Variants in TRIM52 observed in about 807,000 individuals in gnomAD.
TRIM52 encodes E3 ubiquitin-protein ligase TRIM52.
In TRIM52, 24 loss-of-function variants were observed where a neutral mutation model predicts 27.0. That is an observed-to-expected ratio of 0.89 (90% CI 0.64 to 1.25). The LOEUF is 1.25. TRIM52 is among the 50% of genes most tolerant of loss of function. The pLI, the probability that TRIM52 is intolerant of heterozygous loss-of-function variation, is 0.00. For missense variants in TRIM52, 351 were observed against 354.7 expected (o/e 0.99, Z 0.08); for synonymous variants, 125 against 126.5 (o/e 0.99, Z 0.08).
Position 181,260,882 on chromosome 5 carries a change from T to C in TRIM52, c.-69A>G. The C allele has an allele frequency of 6.6e-7, 1 of 1,510,674 alleles. No homozygotes were observed. Among genetic ancestry groups the C allele is most frequent in the African/African-American group, 1.4e-5 (1 of 71,962 alleles). 93.6% of individuals were successfully genotyped at this position (1,510,674 alleles called of 1,614,324 possible). A position where few individuals can be genotyped will look rare whatever the true frequency, so the allele number is the denominator to read the frequency against. On this transcript the variant is annotated 5_prime_UTR_variant, in exon 1 of 2. Transcript: ENST00000688015. The surrounding 1 kb of genome is among the most constrained non-coding windows in gnomAD (Gnocchi z 4.4). Reference sequence around the variant, plus strand: ...AGGAGCGGGGACGCGCCTGCAGGCCTGCCTCCAAACTACTCTGGTGACCCG... The same window carrying C: ...AGGAGCGGGGACGCGCCTGCAGGCCCGCCTCCAAACTACTCTGGTGACCCG...
At chr5:181,257,385 T>A (rs1759827214) in intron 1 of TRIM52, 1 of 1,587,734 alleles carries the variant, frequency 6.3e-7, no homozygotes, top group Admixed American at 1.8e-5. Flanking sequence ...AATGAACACC[T>A]CCTGTGGCTA....
chr5:181,251,536 G>T (rs940081979), downstream of TRIM52, among the ~76,000 whole-genome samples: 2 of 152,128 alleles, frequency 1.3e-5, no homozygotes, highest in Admixed American at 6.5e-5. Context: ...CCTTCCTTTG[G>T]GGGAGGGAGG....
downstream of TRIM52, among the ~76,000 whole-genome samples, chr5:181,250,985 G>A (rs1275614545): frequency 1.3e-5 from 2 of 151,978 alleles, no homozygotes; most frequent in Non-Finnish European, 2.9e-5. Flanking sequence ...TTGGGATCTC[G>A]GTCCCTTAAG....
chr5:181,257,762 CG>C (rs1446632937), intron 1 of TRIM52: 7 of 202,666 alleles, frequency 3.5e-5, no homozygotes, highest in Non-Finnish European at 5.0e-5. Context: ...GAGGCCGAGG[CG>C]GGGGGATCAG....
rs1451869413 is a variant in TRIM52 at position 181,260,888 on chromosome 5, C to T, written c.-75G>A. ...GGGGACGCGCCTGCAGGCCTGCCTCCAAACTACTCTGGTGACCCGAGGCTG... is the reference window on the plus strand; with the variant it reads ...GGGGACGCGCCTGCAGGCCTGCCTCTAAACTACTCTGGTGACCCGAGGCTG... On this transcript the variant is annotated 5_prime_UTR_variant, in exon 1 of 2. Coordinates refer to ENST00000688015, the MANE Select transcript of TRIM52 (RefSeq NM_001346048.2). This position sits in a 1 kb window ranked among gnomAD's most constrained non-coding sequence, Gnocchi z 4.4. The T allele has an allele frequency of 1.3e-6, 2 of 1,501,760 alleles. No homozygotes were observed. Among genetic ancestry groups the T allele is most frequent in the East Asian group, 4.7e-5 (2 of 42,476 alleles). The allele number at this position is 1,501,760 out of a possible 1,614,324, so 93.0% of individuals were successfully genotyped here. A position where few individuals can be genotyped will look rare whatever the true frequency, so the allele number is the denominator to read the frequency against.
downstream of TRIM52, among the ~76,000 whole-genome samples, chr5:181,254,183 G>A (rs1561685790): frequency 1.5e-5 from 2 of 137,374 alleles, 1 homozygote; most frequent in African/African-American, 6.3e-5. Flanking sequence ...CCAGCTACTC[G>A]GCAGGCTGAG....
At chr5:181,257,587 G>T in intron 1 of TRIM52, 1 of 1,020,732 alleles carries the variant, frequency 9.8e-7, no homozygotes, top group Non-Finnish European at 1.4e-6. Context: ...TACAAAAATA[G>T]TTCCTTGTAC....
Position 181,257,151 on chromosome 5 carries a change from C to T in TRIM52, c.814-292G>A, listed in dbSNP as rs76182293. On this transcript the variant is annotated intron_variant, in intron 1 of 1. Coordinates refer to ENST00000688015, the MANE Select transcript of TRIM52 (RefSeq NM_001346048.2). ...CATTTAATGGTGCCCTTGGTCAAAT[C>T]TAAATGATCTTACTTTCATAATTCT... The T allele has an allele frequency of 6.0e-4, 674 of 1,131,624 alleles. 4 individuals are homozygous for T. The African/African-American group carries it at 9.9e-3, about 17-fold the overall frequency. The allele number at this position is 1,131,624 out of a possible 1,614,324, so 70.1% of individuals were successfully genotyped here. A position where few individuals can be genotyped will look rare whatever the true frequency, so the allele number is the denominator to read the frequency against.
In TRIM52 at chr5:181,260,949, G is replaced by A; in HGVS notation, c.-136C>T. 7.4e-7 allele frequency: 1 copy of A among 1,348,468 alleles called. No homozygotes were observed. The highest frequency in any genetic ancestry group is 9.8e-7 in the Non-Finnish European group (1 of 1,019,832). The allele number at this position is 1,348,468 out of a possible 1,614,324, so 83.5% of individuals were successfully genotyped here. On this transcript the variant is annotated 5_prime_UTR_variant, in exon 1 of 2. Coordinates refer to ENST00000688015, the MANE Select transcript of TRIM52 (RefSeq NM_001346048.2). The surrounding 1 kb of genome is among the most constrained non-coding windows in gnomAD (Gnocchi z 4.4). Reference sequence around the variant, plus strand: ...TGCTCTTCTTCCTCGGGGCCGCAGGGGAGCTTTGACCCCCTCTCTCAGGGT... The same window carrying A: ...TGCTCTTCTTCCTCGGGGCCGCAGGAGAGCTTTGACCCCCTCTCTCAGGGT...
downstream of TRIM52, among the ~76,000 whole-genome samples, chr5:181,249,614 C>T (rs180918100): frequency 1.3e-3 from 195 of 151,570 alleles, no homozygotes; most frequent in African/African-American, 4.2e-3. Context: ...AGTTGGAGGC[C>T]GCAGTGAGCT....
At chr5:181,252,996 G>T (rs1389031700), downstream of TRIM52, among the ~76,000 whole-genome samples, 1 of 151,772 alleles carries the variant, frequency 6.6e-6, no homozygotes, top group East Asian at 1.9e-4. Context: ...GCAGGGAGTA[G>T]TGGGTGTCAT....
intron 1 of TRIM52, chr5:181,257,215 A>T (rs1434700133): frequency 7.9e-7 from 1 of 1,261,976 alleles, no homozygotes; most frequent in African/African-American, 1.5e-5. Flanking sequence ...ACTCTAACTC[A>T]TGGGATGGAC....
chr5:181,253,324 C>T (rs1183834191), downstream of TRIM52, among the ~76,000 whole-genome samples: 1 of 142,238 alleles, frequency 7.0e-6, no homozygotes, highest in African/African-American at 2.9e-5. Flanking sequence ...CATGAGCCAC[C>T]GTGCCTGGCC....
chr5:181,256,631 G>T lies in TRIM52; in HGVS notation c.*178C>A. 1 of 216,728 alleles carries T rather than the reference G, an allele frequency of 4.6e-6. No individual in the cohort carries two copies. The highest frequency in any genetic ancestry group is 7.9e-6 in the Non-Finnish European group (1 of 127,202). 13.4% of individuals were successfully genotyped at this position (216,728 alleles called of 1,614,324 possible). ...GCACTCAGAATGCAAGGTTTCACAA[G>T]TGTCTCCATTTTTTTCTCCTTTGCA... On this transcript the variant is annotated 3_prime_UTR_variant, in exon 2 of 2. Coordinates refer to ENST00000688015, the MANE Select transcript of TRIM52 (RefSeq NM_001346048.2).
chr5:181,253,008 T>G (rs892894970), downstream of TRIM52, among the ~76,000 whole-genome samples: 6 of 151,444 alleles, frequency 4.0e-5, no homozygotes, highest in African/African-American at 1.2e-4. Flanking sequence ...GGGTGTCATA[T>G]CCACTAATCC....
intron 1 of TRIM52, chr5:181,257,546 G>A (rs1759835170): frequency 6.9e-7 from 1 of 1,444,024 alleles, no homozygotes; most frequent in Non-Finnish European, 9.6e-7. Flanking sequence ...GTATATGAAA[G>A]ATAATGTATA....
downstream of TRIM52, among the ~76,000 whole-genome samples, chr5:181,254,099 A>G (rs201384012): frequency 0.011 from 1,561 of 140,984 alleles, 363 homozygotes; most frequent in African/African-American, 0.045. Flanking sequence ...GACCATCCTG[A>G]CTAACACGGT....
rs1760014552 is a variant in TRIM52, at chr5:181,260,576, C to G, written c.238G>C (p.Gly80Arg). ...CGATACAACACCTCTCGAATGGAGC[C>G]GTCCCATCCATCCATGGCCCCCACC... ...EAVGAMDGWDGSIREVLYRGN... is the reference protein window; with the variant it reads ...EAVGAMDGWDRSIREVLYRGN... Residue 80 changes from glycine to arginine, a missense_variant, in exon 1 of 2, where the codon GGC (glycine) becomes CGC (arginine). Coordinates refer to ENST00000688015, the MANE Select transcript of TRIM52 (RefSeq NM_001346048.2). This position sits in a 1 kb window ranked among gnomAD's most constrained non-coding sequence, Gnocchi z 4.4. The G allele has an allele frequency of 1.9e-6, 3 of 1,613,886 alleles. No individual in the cohort carries two copies. Among genetic ancestry groups the G allele is most frequent in the Non-Finnish European group, 2.5e-6 (3 of 1,180,022 alleles).
At chr5:181,259,972 ATC>A in intron 1 of TRIM52, 27 bp downstream of exon 1, 1 of 1,612,736 alleles carries the variant, frequency 6.2e-7, no homozygotes, top group Non-Finnish European at 8.5e-7. Context: ...CACTCCCTTC[ATC>A]CCCCCACATT....
Sources: gnomAD v4.1 joint callset for allele counts (sites outside exome capture counted in the v4.1 genomes callset) on GRCh38, gnomAD v4.1.1 for gene constraint, Gnocchi (gnomAD v3.1) non-coding constraint, MANE v1.5 for transcripts, NCBI Gene and HGNC (gene_info 2026-07-23, HGNC 2026-07-21) for gene names.